HHAT: variants seen among roughly 807,000 people sequenced by gnomAD.
HHAT encodes protein-cysteine N-palmitoyltransferase HHAT.
HHAT carries 47 observed loss-of-function variants against 70.8 expected under a neutral mutation model. The observed-to-expected ratio is 0.66, with a 90% CI of 0.53 to 0.85. The LOEUF (loss-of-function observed/expected upper bound fraction) is 0.85. Ranked by LOEUF, HHAT falls within the 40% of genes least tolerant of loss-of-function variation. The pLI is 0.00. For missense variants in HHAT, 609 were observed against 604.8 expected (o/e 1.01, Z -0.07); for synonymous variants, 228 against 247.6 (o/e 0.92, Z 0.74).
At chr1:210,374,069 TAAAC>T (rs1471399428) in intron 3 of HHAT, 4 of 152,344 alleles carry the variant, frequency 2.6e-5, no homozygotes, top group Admixed American at 1.3e-4. Context: ...ACACAATGTT[TAAAC>T]AAACAGTGAC....
At chr1:210,391,548 T>A (rs2091460226) in intron 4 of HHAT, among the ~76,000 whole-genome samples, 1 of 151,818 alleles carries the variant, frequency 6.6e-6, no homozygotes, top group Non-Finnish European at 1.5e-5. Flanking sequence ...ATAAATTTCA[T>A]AAAAAAGACA....
At chr1:210,667,709 A>G (rs572726650) in intron 11 of HHAT, among the ~76,000 whole-genome samples, 1 of 151,882 alleles carries the variant, frequency 6.6e-6, no homozygotes, top group African/African-American at 2.4e-5. Flanking sequence ...GCCCAGCCCC[A>G]GGCAACCCCC....
At chr1:210,338,623 A>G (rs2085728709) in intron 1 of HHAT, among the ~76,000 whole-genome samples, 1 of 152,170 alleles carries the variant, frequency 6.6e-6, no homozygotes, top group Admixed American at 6.5e-5. Flanking sequence ...GTTCGCTATT[A>G]CTGTGTTTTA....
Position 210,513,049 on chromosome 1 carries a change from C to T in HHAT, c.1008-104C>T. 3 of 704,492 alleles carry T rather than the reference C, an allele frequency of 4.3e-6. No individual in the cohort carries two copies. In the Admixed American group the frequency reaches 8.2e-5, roughly 19 times the overall value. The allele number at this position is 704,492 out of a possible 1,614,324, so 43.6% of individuals were successfully genotyped here. A position where few individuals can be genotyped will look rare whatever the true frequency, so the allele number is the denominator to read the frequency against. On this transcript the variant is annotated intron_variant, in intron 8 of 11. Transcript: ENST00000261458. ...TTGAGAACTACTGTGGTAGAGCAAT[C>T]CATTTAGTCATACTATGAATTTAAA...
chr1:210,329,501 C>T (rs917716421), intron 1 of HHAT: 1 of 1,003,418 alleles, frequency 1.0e-6, no homozygotes, highest in Non-Finnish European at 1.2e-6. Context: ...ACTTCCTTTG[C>T]GTTCTATCTT....
intron 11 of HHAT, among the ~76,000 whole-genome samples, chr1:210,634,495 A>C (rs1420643762): frequency 1.3e-5 from 2 of 152,232 alleles, no homozygotes; most frequent in East Asian, 1.9e-4. Context: ...AGAAAATCTG[A>C]AAAATACCAG....
At chr1:210,368,313 AATGT>A (rs1447417937) in intron 3 of HHAT, among the ~76,000 whole-genome samples, 3 of 152,272 alleles carry the variant, frequency 2.0e-5, no homozygotes, top group South Asian at 4.2e-4. Flanking sequence ...TTTTTAAAAA[AATGT>A]ATGTATTTTT....
At chr1:210,327,334 A>G (rs2084653701), upstream of HHAT, among the ~76,000 whole-genome samples, 1 of 142,994 alleles carries the variant, frequency 7.0e-6, no homozygotes, top group Admixed American at 7.2e-5. Context: ...ATGGAGTTTC[A>G]TCATGTTGGC....
chr1:210,582,347 A>G (rs1659447958), intron 9 of HHAT, among the ~76,000 whole-genome samples: 2 of 152,072 alleles, frequency 1.3e-5, no homozygotes, highest in South Asian at 4.2e-4. Flanking sequence ...CGGCCGAGGA[A>G]TGGGTAAGTG....
chr1:210,441,713 T>G (rs1005249488), intron 7 of HHAT, among the ~76,000 whole-genome samples: 2 of 152,142 alleles, frequency 1.3e-5, no homozygotes, highest in African/African-American at 4.8e-5. Context: ...TTCATTGACA[T>G]CTTCTCCAAT....
In HHAT at chr1:210,385,271, T is replaced by C. The variant is rs532564688; in HGVS notation, c.160-2197T>C. ...GTTTTTCTTTTTTTTTTTTTTTCTT[T>C]TTGAGTTTGTATTAAAAAAGTGTCT... On this transcript the variant is annotated intron_variant, in intron 3 of 11. Transcript: ENST00000261458. Among the ~76,000 whole-genome samples the C allele has an allele frequency of 5.1e-4, 77 of 151,672 alleles. 1 individual carries two copies. The South Asian group carries it at 0.016, about 31-fold the overall frequency.
chr1:210,623,235 C>A (rs1244598618), intron 10 of HHAT, among the ~76,000 whole-genome samples: 1 of 152,122 alleles, frequency 6.6e-6, no homozygotes, highest in Non-Finnish European at 1.5e-5. Flanking sequence ...CCATGCCCAG[C>A]TAATTTTTAA....
intron 9 of HHAT, among the ~76,000 whole-genome samples, chr1:210,568,229 AG>A (rs1216154820): frequency 6.6e-6 from 1 of 152,228 alleles, no homozygotes; most frequent in African/African-American, 2.4e-5. Context: ...AAACATGTGA[AG>A]GCTCTTGGAG....
chr1:210,396,392 T>A (rs191042768), intron 4 of HHAT, among the ~76,000 whole-genome samples: 2 of 152,314 alleles, frequency 1.3e-5, no homozygotes, highest in Non-Finnish European at 2.9e-5. Flanking sequence ...CAACGAGATG[T>A]CATTACACAC....
intron 9 of HHAT, among the ~76,000 whole-genome samples, chr1:210,578,467 C>A (rs59071908): frequency 0.058 from 8,829 of 152,216 alleles, 262 homozygotes; most frequent in African/African-American, 0.069. Context: ...AGTGATCACA[C>A]TTCTGAGTAT....
chr1:210,557,719 C>T (rs903865863), intron 9 of HHAT, among the ~76,000 whole-genome samples: 4 of 152,152 alleles, frequency 2.6e-5, no homozygotes, highest in African/African-American at 9.7e-5. Context: ...ATCACGAGAA[C>T]AGCACAGGAA....
chr1:210,659,289 C>A (rs1336640755), intron 11 of HHAT, among the ~76,000 whole-genome samples: 1 of 152,182 alleles, frequency 6.6e-6, no homozygotes, highest in Admixed American at 6.5e-5. Flanking sequence ...AAACTACCAT[C>A]AGAGAATACT....
chr1:210,567,990 G>T (rs1276833818), intron 9 of HHAT, among the ~76,000 whole-genome samples: 3 of 152,232 alleles, frequency 2.0e-5, no homozygotes, highest in Non-Finnish European at 4.4e-5. Context: ...ATGTTAAGGA[G>T]TTGACTGGTG....
chr1:210,396,506 A>G (rs941269150), intron 4 of HHAT, among the ~76,000 whole-genome samples: 3 of 152,262 alleles, frequency 2.0e-5, no homozygotes, highest in Admixed American at 1.3e-4. Flanking sequence ...GTATAATGCT[A>G]CAGCCATGCT....
Sources: allele counts gnomAD v4.1 joint callset (sites outside exome capture counted in the v4.1 genomes callset), GRCh38; gene constraint gnomAD v4.1.1; transcripts MANE v1.5; gene names NCBI Gene and HGNC (gene_info 2026-07-23, HGNC 2026-07-21).